The following PSD3 variants were observed in gnomAD, a reference collection of about 807,000 sequenced individuals.
PSD3 encodes the protein pleckstrin and Sec7 domain containing 3, also known as PH and SEC7 domain-containing protein 3.
PSD3 carries 49 observed loss-of-function variants against 105.5 expected under a neutral mutation model. That is an observed-to-expected ratio of 0.46 (90% CI 0.37 to 0.59). PSD3 has a LOEUF of 0.59. PSD3 is among the 20% of genes least tolerant of loss of function. PSD3 has a pLI of 0.00. For missense variants in PSD3, 1,561 were observed against 1,263.8 expected (o/e 1.24, Z -3.57); for synonymous variants, 557 against 457.8 (o/e 1.22, Z -2.77).
chr8:18,537,048 TTA>T (rs1175447752), intron 15 of PSD3, among the ~76,000 whole-genome samples: 1 of 152,180 alleles, frequency 6.6e-6, no homozygotes, highest in Non-Finnish European at 1.5e-5. Context: ...CAGTTTTAAG[TTA>T]GTAATTTAGA....
intron 2 of PSD3, among the ~76,000 whole-genome samples, chr8:18,873,097 C>T (rs1357083069): frequency 6.6e-6 from 1 of 152,144 alleles, no homozygotes; most frequent in Non-Finnish European, 1.5e-5. Context: ...CATGAAACAG[C>T]AACTAAAATG....
rs371807989 is a variant in PSD3, at chr8:18,671,227, G to C, written c.2173-15542C>G. ...GTAAGTAGGATGACTCCACTTCGCCGATCTAGGAGCTGGAGGTTAGGCAGA... is the reference window on the plus strand; with the variant it reads ...GTAAGTAGGATGACTCCACTTCGCCCATCTAGGAGCTGGAGGTTAGGCAGA... On this transcript the variant is annotated intron_variant, in intron 9 of 15. Transcript: ENST00000327040. Among the ~76,000 whole-genome samples the C allele has an allele frequency of 1.6e-4, 25 of 152,306 alleles. 1 individual carries two copies. In the South Asian group the frequency reaches 1.9e-3, roughly 11 times the overall value.
intron 4 of PSD3, chr8:18,865,019 A>G (rs3736273): frequency 0.36 from 54,798 of 150,734 alleles, 10,928 homozygotes; most frequent in East Asian, 0.69. Context: ...AAAACAGACC[A>G]TCTCAGACTT....
chr8:18,745,171 G>A (rs565226576), intron 9 of PSD3, among the ~76,000 whole-genome samples: 1 of 152,212 alleles, frequency 6.6e-6, no homozygotes, highest in South Asian at 2.1e-4. Flanking sequence ...CCCTCATAAT[G>A]AATAAATATC....
chr8:18,567,152 T>G lies in PSD3; in HGVS notation c.2784+5376A>C, dbSNP rs1222542665. On this transcript the variant is annotated intron_variant, in intron 14 of 15. Coordinates refer to ENST00000327040, the MANE Select transcript of PSD3 (RefSeq NM_015310.4). ...TATTATCAGCCCTCTTTAGTTCAAC[T>G]CACCTTCTCCCCTGGATCTTTTATA... is the stretch of plus-strand genomic sequence containing the variant. 2.6e-5 allele frequency among the ~76,000 whole-genome samples: 4 copies of G among 152,170 alleles called. No homozygotes were observed. In the East Asian group the frequency reaches 7.7e-4, roughly 29 times the overall value.
chr8:19,034,250 T>G (rs570233443), intron 1 of PSD3, among the ~76,000 whole-genome samples: 1 of 152,256 alleles, frequency 6.6e-6, no homozygotes, highest in Non-Finnish European at 1.5e-5. Context: ...TAACATTGTG[T>G]TACAGCCTAG....
Position 18,680,169 on chromosome 8 carries a change from T to G in PSD3, c.2173-24484A>C, listed in dbSNP as rs1014918334. Among the ~76,000 whole-genome samples the G allele has an allele frequency of 5.9e-5, 9 of 152,222 alleles. No individual in the cohort carries two copies. The East Asian group carries it at 1.3e-3, about 23-fold the overall frequency. On this transcript the variant is annotated intron_variant, in intron 9 of 15. Transcript: ENST00000327040. ...GAATAATTTATATTTGACAAATATTTAGACTCAGAGGAGGACTGTGGAAAT... is the reference window on the plus strand; with the variant it reads ...GAATAATTTATATTTGACAAATATTGAGACTCAGAGGAGGACTGTGGAAAT...
intron 9 of PSD3, among the ~76,000 whole-genome samples, chr8:18,679,222 G>A (rs1212272096): frequency 6.6e-6 from 1 of 152,220 alleles, no homozygotes; most frequent in African/African-American, 2.4e-5. Flanking sequence ...AAGGGCCATT[G>A]TAATGATTTC....
At chr8:18,655,492 A>C (rs1808823132) in intron 10 of PSD3, 150 bp downstream of exon 10, 1 of 732,698 alleles carries the variant, frequency 1.4e-6, no homozygotes, top group Non-Finnish European at 2.3e-6. Context: ...GTTTACTTGT[A>C]TAAAGCCACA....
At chr8:19,082,730 A>G (rs1829681584) in intron 1 of PSD3, among the ~76,000 whole-genome samples, 1 of 152,210 alleles carries the variant, frequency 6.6e-6, no homozygotes, top group Admixed American at 6.5e-5. Flanking sequence ...TCAAGTCATC[A>G]GGCCAGCACT....
chr8:18,795,422 G>A (rs559348163), intron 8 of PSD3, among the ~76,000 whole-genome samples: 11 of 152,308 alleles, frequency 7.2e-5, no homozygotes, highest in Non-Finnish European at 1.5e-4. Flanking sequence ...AGGGATGCTG[G>A]ACAAAACTGC....
At chr8:18,623,945 C>T (rs1806304427) in intron 11 of PSD3, among the ~76,000 whole-genome samples, 1 of 152,066 alleles carries the variant, frequency 6.6e-6, no homozygotes, top group South Asian at 2.1e-4. Flanking sequence ...TCAACATTAC[C>T]ACTGGTGAGA....
intron 9 of PSD3, among the ~76,000 whole-genome samples, chr8:18,699,931 C>G (rs150380745): frequency 6.6e-6 from 1 of 151,992 alleles, no homozygotes; most frequent in African/African-American, 2.4e-5. Flanking sequence ...CTTTACTAAG[C>G]CCATTGGCAA....
chr8:18,881,962 C>T (rs543055434), intron 2 of PSD3, among the ~76,000 whole-genome samples: 1 of 152,294 alleles, frequency 6.6e-6, no homozygotes, highest in African/African-American at 2.4e-5. Flanking sequence ...AATCCCAACC[C>T]TTTGGGAGCT....
intron 11 of PSD3, among the ~76,000 whole-genome samples, chr8:18,601,911 A>G (rs1021935720): frequency 6.6e-6 from 1 of 152,132 alleles, no homozygotes; most frequent in Non-Finnish European, 1.5e-5. Flanking sequence ...GAGGCACCTG[A>G]CTTGAAAGCA....
At chr8:18,879,938 A>G (rs1818008887) in intron 2 of PSD3, among the ~76,000 whole-genome samples, 1 of 152,164 alleles carries the variant, frequency 6.6e-6, no homozygotes, top group Non-Finnish European at 1.5e-5. Flanking sequence ...AACAAATATA[A>G]TGAAGAATAA....
chr8:18,660,663 C>G (rs1162872313), intron 9 of PSD3, among the ~76,000 whole-genome samples: 1 of 152,202 alleles, frequency 6.6e-6, no homozygotes, highest in Non-Finnish European at 1.5e-5. Flanking sequence ...AGATCTACCA[C>G]ATCAGCTCCT....
At chr8:19,016,125 T>C (rs1424391506), upstream of PSD3, among the ~76,000 whole-genome samples, 1 of 152,212 alleles carries the variant, frequency 6.6e-6, no homozygotes, top group African/African-American at 2.4e-5. Flanking sequence ...CTTTTGGAAA[T>C]ATTAAAAATG....
chr8:18,857,881 C>T (rs17127344), intron 4 of PSD3, among the ~76,000 whole-genome samples: 13,690 of 152,086 alleles, frequency 0.09, 779 homozygotes, highest in African/African-American at 0.16. Flanking sequence ...ATTCAGAGAC[C>T]AGTAGAATAC....
Sources: allele counts gnomAD v4.1 joint callset (sites outside exome capture counted in the v4.1 genomes callset), GRCh38; gene constraint gnomAD v4.1.1; transcripts MANE v1.5; gene names NCBI Gene and HGNC (gene_info 2026-07-23, HGNC 2026-07-21).